The following PAX3 variants were observed in gnomAD, a reference collection of about 807,000 sequenced individuals.
PAX3 encodes paired box protein Pax-3.
A neutral mutation model predicts 51.6 loss-of-function variants in PAX3; 14 were observed. The observed-to-expected ratio is 0.27, with a 90% CI of 0.18 to 0.42. The LOEUF (loss-of-function observed/expected upper bound fraction) is 0.42. PAX3 is among the 10% of genes least tolerant of loss of function. The pLI is 1.00. For missense variants in PAX3, 540 were observed against 642.8 expected, an observed-to-expected ratio of 0.84 and a Z score of 1.73; for synonymous variants, 280 against 253.4, an observed-to-expected ratio of 1.11 and a Z score of -1.00.
At chr2:222,228,133 C>T (rs1692452914) in intron 5 of PAX3, among the ~76,000 whole-genome samples, 1 of 152,172 alleles carries the variant, frequency 6.6e-6, no homozygotes, top group African/African-American at 2.4e-5. Flanking sequence ...TGATTAACTA[C>T]TCCCTTCTTT....
intron 4 of PAX3, among the ~76,000 whole-genome samples, chr2:222,274,796 G>A (rs1159767758): frequency 2.0e-5 from 3 of 152,136 alleles, no homozygotes; most frequent in African/African-American, 7.2e-5. Context: ...AAAGCATCAT[G>A]AATGCCTGCC....
intron 4 of PAX3, among the ~76,000 whole-genome samples, chr2:222,282,771 A>G (rs750191565): frequency 2.6e-4 from 39 of 152,312 alleles, no homozygotes; most frequent in Admixed American, 5.2e-4. Context: ...TTAAAAAGGA[A>G]CCAATAAGTC....
chr2:222,215,158 T>C (rs1174930991), intron 7 of PAX3, among the ~76,000 whole-genome samples: 1 of 152,104 alleles, frequency 6.6e-6, no homozygotes, highest in Non-Finnish European at 1.5e-5. Context: ...TTCTTGGATA[T>C]CAAACGGCTT....
chr2:222,200,384 A>G lies in PAX3; in HGVS notation c.*1024T>C. The G allele has an allele frequency of 4.4e-6, 1 of 227,590 alleles. No individual in the cohort carries two copies. 14.1% of individuals were successfully genotyped at this position (227,590 alleles called of 1,614,324 possible). On this transcript the variant is annotated 3_prime_UTR_variant, in exon 9 of 9. Coordinates refer to ENST00000392070, the MANE Select transcript of PAX3 (RefSeq NM_181458.4). The stretch of plus-strand genomic sequence containing the variant: ...TAAACGTAATCAGTTTAAAAGCATA[A>G]TTATCTGATCTGGTCTCTAATCAAA...
intron 8 of PAX3, 75 bp downstream of exon 8, chr2:222,201,869 T>G: frequency 6.2e-7 from 1 of 1,613,458 alleles, no homozygotes; most frequent in Non-Finnish European, 8.5e-7. Flanking sequence ...TTGCCTCTAA[T>G]TCACCTTTCT....
intron 7 of PAX3, among the ~76,000 whole-genome samples, chr2:222,212,709 G>GCACA (rs1365589313): frequency 6.6e-6 from 1 of 151,388 alleles, no homozygotes; most frequent in Non-Finnish European, 1.5e-5. Context: ...GTAGTACAAA[G>GCACA]CACACATTCA....
intron 4 of PAX3, among the ~76,000 whole-genome samples, chr2:222,252,385 A>T (rs186027742): frequency 6.6e-6 from 1 of 152,218 alleles, no homozygotes; most frequent in Non-Finnish European, 1.5e-5. Context: ...TCAAATCAAC[A>T]TTATTATTAT....
intron 7 of PAX3, among the ~76,000 whole-genome samples, chr2:222,204,220 A>G (rs1289314879): frequency 6.6e-6 from 1 of 152,218 alleles, no homozygotes; most frequent in Non-Finnish European, 1.5e-5. Context: ...TTCCAGGAAG[A>G]TGGAAAATCA....
At position 222,201,408 on chromosome 2, in the gene PAX3, TTACGCGA is replaced by T; in HGVS notation, c.1448_1454del (p.Ile483LysfsTer2). 1 of 1,613,866 alleles carries T rather than the reference TTACGCGA, an allele frequency of 6.2e-7. No individual in the cohort carries two copies. The stretch of plus-strand genomic sequence containing the variant: ...TTTTAGCTCCAAGTGGACAGTTCAC[TTACGCGA>T]TATCTGGCTTGAGATAATGAAAGGC... On this transcript the variant is annotated frameshift_variant and stop_lost, in exon 9 of 9. Coordinates refer to ENST00000392070, the MANE Select transcript of PAX3 (RefSeq NM_181458.4). LOFTEE classifies it high-confidence loss of function.
intron 4 of PAX3, among the ~76,000 whole-genome samples, chr2:222,261,942 T>C: frequency 6.6e-6 from 1 of 152,220 alleles, no homozygotes; most frequent in East Asian, 1.9e-4. Flanking sequence ...AGTATCCCAA[T>C]GGGTTCCCAA....
chr2:222,219,359 C>T (rs1166737155), intron 7 of PAX3, among the ~76,000 whole-genome samples: 2 of 152,086 alleles, frequency 1.3e-5, no homozygotes, highest in Non-Finnish European at 2.9e-5. Context: ...CTATCCTTGC[C>T]ACCTGGGCCA....
At chr2:222,238,286 C>T (rs1414768416) in intron 4 of PAX3, among the ~76,000 whole-genome samples, 1 of 152,064 alleles carries the variant, frequency 6.6e-6, no homozygotes, top group Non-Finnish European at 1.5e-5. Flanking sequence ...TCCGTTAGCC[C>T]CTTGTGACCT....
chr2:222,205,622 A>G (rs1029884812), intron 7 of PAX3, among the ~76,000 whole-genome samples: 7 of 152,228 alleles, frequency 4.6e-5, no homozygotes, highest in Non-Finnish European at 1.0e-4. Context: ...CGATTAATAA[A>G]TAATTATAAT....
chr2:222,220,435 C>T, intron 6 of PAX3, 81 bp from the exon 7 acceptor site: 1 of 1,278,862 alleles, frequency 7.8e-7, no homozygotes, highest in Non-Finnish European at 1.1e-6. Flanking sequence ...CATCAGCCAC[C>T]AGGCCATCAG....
At chr2:222,235,359 A>G (rs1200555943) in intron 4 of PAX3, among the ~76,000 whole-genome samples, 1 of 152,138 alleles carries the variant, frequency 6.6e-6, no homozygotes, top group East Asian at 1.9e-4. Flanking sequence ...GTGTGGGGCA[A>G]ATTTCAGATT....
Position 222,255,917 on chromosome 2 carries a change from A to ATTTTTTTTTTTTTTTTTTT in PAX3, c.587-23653_587-23635dup, listed in dbSNP as rs57757180. Reference sequence around the variant, plus strand: ...AGGTGCACGCCACTACGCCCAGCTAATTTTTTTTTTTTTTTTTTTTTTTGT... The same window carrying ATTTTTTTTTTTTTTTTTTT: ...AGGTGCACGCCACTACGCCCAGCTAATTTTTTTTTTTTTTTTTTTTTTTTTTTTTTTTTTTTTTTTTTGT... On this transcript the variant is annotated intron_variant, in intron 4 of 8. Coordinates refer to ENST00000392070, the MANE Select transcript of PAX3 (RefSeq NM_181458.4). 1.4e-4 allele frequency among the ~76,000 whole-genome samples: 14 copies of ATTTTTTTTTTTTTTTTTTT among 98,332 alleles called. 2 individuals are homozygous for ATTTTTTTTTTTTTTTTTTT. Among genetic ancestry groups the ATTTTTTTTTTTTTTTTTTT allele is most frequent in the Middle Eastern group, 7.8e-3 (1 of 128 alleles). The allele number at this position is 98,332 out of a possible 152,430, so 64.5% of individuals were successfully genotyped here.
At chr2:222,249,308 C>T (rs1245204396) in intron 4 of PAX3, among the ~76,000 whole-genome samples, 2 of 152,082 alleles carry the variant, frequency 1.3e-5, no homozygotes. Context: ...TCTCAAATGT[C>T]GTGATTCTTC....
In PAX3 at chr2:222,202,160, C is replaced by A. The variant is rs374318137; in HGVS notation, c.1204G>T (p.Val402Leu). ...VMGLLTNHGG[V>L]PHQPQTDYAL... ...TAATCAGTCTGGGGCTGATGAGGTACCCCACCGTGGTTGGTCAGGAGTCCC... is the reference window on the plus strand; with the variant it reads ...TAATCAGTCTGGGGCTGATGAGGTAACCCACCGTGGTTGGTCAGGAGTCCC... Residue 402 changes from valine (V) to leucine (L), a missense_variant, in exon 8 of 9, where the codon GTA becomes TTA. By Grantham distance (32) the Val-to-Leu change is conservative. This residue lies in a region of PAX3 where 427 missense variants were observed against 483.6 expected (regional missense o/e 0.88). Coordinates refer to ENST00000392070, the MANE Select transcript of PAX3 (RefSeq NM_181458.4). 10 of 1,606,350 alleles carry A rather than the reference C, an allele frequency of 6.2e-6. No homozygotes were observed. In the African/African-American group the frequency reaches 1.3e-4, roughly 21 times the overall value.
At chr2:222,298,509 G>A in intron 1 of PAX3, 22 bp downstream of exon 1, 1 of 1,576,120 alleles carries the variant, frequency 6.3e-7, no homozygotes, top group Non-Finnish European at 8.6e-7. Context: ...GATCCAGGCG[G>A]CGCGCTGAGG....
Sources: gnomAD v4.1 joint callset for allele counts (sites outside exome capture counted in the v4.1 genomes callset) on GRCh38, gnomAD v4.1.1 for gene constraint, gnomAD v4.1.1 regional missense constraint, MANE v1.5 for transcripts, NCBI Gene and HGNC (gene_info 2026-07-23, HGNC 2026-07-21) for gene names.